TWIST2: variants seen among roughly 807,000 people sequenced by gnomAD.
TWIST2 encodes the protein twist family bHLH transcription factor 2.
Under a neutral mutation model 11.6 loss-of-function variants are expected in TWIST2, and 1 was observed. That is an observed-to-expected ratio of 0.09 (90% confidence interval 0.03 to 0.41). TWIST2 has a LOEUF of 0.41. Ranked by LOEUF, TWIST2 falls within the 10% of genes least tolerant of loss-of-function variation. The pLI, the probability that TWIST2 is intolerant of heterozygous loss-of-function variation, is 0.98. For synonymous variants in TWIST2, 87 were observed against 96.6 expected (o/e 0.90, Z 0.58); for missense variants, 168 against 226.4 (o/e 0.74, Z 1.66).
intron 1 of TWIST2, among the ~76,000 whole-genome samples, chr2:238,898,163 A>G (rs1693227014): frequency 6.6e-6 from 1 of 152,320 alleles, no homozygotes; most frequent in Admixed American, 6.5e-5. Flanking sequence ...GCCAGCCCCG[A>G]GCAGGGAGCA....
chr2:238,870,100 G>A (rs374962629), intron 1 of TWIST2, among the ~76,000 whole-genome samples: 2 of 97,708 alleles, frequency 2.0e-5, no homozygotes, highest in East Asian at 3.4e-4. Context: ...AACGTGGTGT[G>A]TACACAGACA....
chr2:238,871,354 C>CCCCTTGCCCCA (rs1692694427), intron 1 of TWIST2, among the ~76,000 whole-genome samples: 1 of 65,334 alleles, frequency 1.5e-5, no homozygotes, highest in Non-Finnish European at 3.0e-5. Context: ...ACACCCCACA[C>CCCCTTGCCCCA]ACACAGTACA....
chr2:238,900,009 G>A (rs1200033538), intron 1 of TWIST2, among the ~76,000 whole-genome samples: 1 of 152,154 alleles, frequency 6.6e-6, no homozygotes, highest in African/African-American at 2.4e-5. Flanking sequence ...ATGGGAAGTG[G>A]TCCTTCATCT....
intron 1 of TWIST2, among the ~76,000 whole-genome samples, chr2:238,905,990 CGCGTGTGTGCGTGT>C (rs1242063909): frequency 2.5e-4 from 36 of 143,122 alleles, no homozygotes; most frequent in South Asian, 4.4e-4. Context: ...CGTGTACGTG[CGCGTGTGTGCGTGT>C]GCGTGTGTGG....
At chr2:238,898,386 G>A (rs1311477690) in intron 1 of TWIST2, among the ~76,000 whole-genome samples, 3 of 152,238 alleles carry the variant, frequency 2.0e-5, no homozygotes, top group Admixed American at 6.5e-5. Context: ...TGTTGACTCT[G>A]AGGCTCCGAG....
Position 238,910,429 on chromosome 2 carries a change from AT to A in TWIST2, c.*624del, listed in dbSNP as rs1297684495. ...AAAAAATATTCTCTGTTCAGTGTAT[AT>A]GTTGCTTGTTTGTTTTATTTATTGA... On this transcript the variant is annotated 3_prime_UTR_variant, in exon 2 of 2. Transcript: ENST00000612363. 6.6e-6 allele frequency: 1 copy of A among 152,044 alleles called. No homozygotes were observed. The highest frequency in any genetic ancestry group is 1.5e-5 in the Non-Finnish European group (1 of 68,006). The allele number at this position is 152,044 out of a possible 1,614,324, so 9.4% of individuals were successfully genotyped here.
intron 1 of TWIST2, among the ~76,000 whole-genome samples, chr2:238,899,939 G>T (rs1284213453): frequency 2.0e-5 from 3 of 151,746 alleles, no homozygotes; most frequent in Non-Finnish European, 4.4e-5. Flanking sequence ...AACCTGAAGT[G>T]CTCTAAAAAA....
chr2:238,880,876 AGTGT>A (rs1206121994), intron 1 of TWIST2, among the ~76,000 whole-genome samples: 2 of 107,678 alleles, frequency 1.9e-5, no homozygotes, highest in Non-Finnish European at 3.8e-5. Context: ...TGTTATTGTT[AGTGT>A]TAGTGTTGGT....
At chr2:238,865,538 C>T (rs1270931703) in intron 1 of TWIST2, among the ~76,000 whole-genome samples, 1 of 152,214 alleles carries the variant, frequency 6.6e-6, no homozygotes, top group Non-Finnish European at 1.5e-5. Flanking sequence ...GCACAGAAGC[C>T]TCTGGGTCCA....
In TWIST2 at chr2:238,877,302, A is replaced by G. The variant is rs1388656142; in HGVS notation, c.*35+28569A>G. Among the ~76,000 whole-genome samples the G allele has an allele frequency of 9.9e-5, 15 of 152,208 alleles. No individual in the cohort carries two copies. The East Asian group carries it at 2.9e-3, about 29-fold the overall frequency. ...TGTAACATTGTCTCAAACTTTAAAG[A>G]ATGATTCTATATGGATTATGAAAAA... is the stretch of plus-strand genomic sequence containing the variant. On this transcript the variant is annotated intron_variant, in intron 1 of 1. Transcript: ENST00000612363.
At chr2:238,909,320 G>C (rs1484236554) in intron 1 of TWIST2, among the ~76,000 whole-genome samples, 1 of 152,032 alleles carries the variant, frequency 6.6e-6, no homozygotes, top group Non-Finnish European at 1.5e-5. Flanking sequence ...TGTTTTGAAA[G>C]CACGCATTTT....
chr2:238,894,707 C>CCCATCTCTGCCTGTGCCCA (rs1450954893), intron 1 of TWIST2, among the ~76,000 whole-genome samples: 6 of 150,326 alleles, frequency 4.0e-5, no homozygotes, highest in Non-Finnish European at 9.0e-5. Flanking sequence ...GGCTGTGCCT[C>CCCATCTCTGCCTGTGCCCA]CCATCTCTGC....
chr2:238,865,597 T>C (rs1379362266), intron 1 of TWIST2, among the ~76,000 whole-genome samples: 9 of 152,038 alleles, frequency 5.9e-5, no homozygotes, highest in Non-Finnish European at 1.0e-4. Context: ...CCACCTGGCG[T>C]CTCCTGGCTT....
chr2:238,858,815 CAACATT>C (rs1243980446), intron 1 of TWIST2, among the ~76,000 whole-genome samples: 1 of 152,154 alleles, frequency 6.6e-6, no homozygotes, highest in Non-Finnish European at 1.5e-5. Context: ...ATGTTCATAG[CAACATT>C]ATTCACAATA....
intron 1 of TWIST2, among the ~76,000 whole-genome samples, chr2:238,877,359 G>A (rs1436208788): frequency 6.6e-6 from 1 of 152,078 alleles, no homozygotes; most frequent in South Asian, 2.1e-4. Flanking sequence ...GCAAGCAGAA[G>A]ATAAAAGTAT....
chr2:238,904,655 A>G (rs1693320216), intron 1 of TWIST2, among the ~76,000 whole-genome samples: 1 of 151,992 alleles, frequency 6.6e-6, no homozygotes, highest in Non-Finnish European at 1.5e-5. Context: ...CCTGTGTTCT[A>G]GTTGCTTACA....
At chr2:238,886,844 G>A (rs915859715) in intron 1 of TWIST2, 2 of 152,174 alleles carry the variant, frequency 1.3e-5, no homozygotes, top group East Asian at 3.9e-4. Flanking sequence ...AGAGGAAGAG[G>A]GGGCAGTGTT....
chr2:238,869,773 A>C (rs990609314), intron 1 of TWIST2, among the ~76,000 whole-genome samples: 1 of 152,148 alleles, frequency 6.6e-6, no homozygotes, highest in Admixed American at 6.5e-5. Context: ...GTGAGATGCC[A>C]TCTGTACAAA....
At chr2:238,849,104 G>T (rs1289527287) in intron 1 of TWIST2, among the ~76,000 whole-genome samples, 2 of 152,144 alleles carry the variant, frequency 1.3e-5, no homozygotes, top group Non-Finnish European at 2.9e-5. Flanking sequence ...CTGGGGACTG[G>T]GATATGAGGA....
Sources: gnomAD v4.1 joint callset for allele counts (sites outside exome capture counted in the v4.1 genomes callset) on GRCh38, gnomAD v4.1.1 for gene constraint, MANE v1.5 for transcripts, NCBI Gene and HGNC (gene_info 2026-07-23, HGNC 2026-07-21) for gene names.